Variants in RIN3 observed in about 807,000 individuals in gnomAD.
The protein encoded by RIN3 is RAB5 interacting protein 3.
RIN3 carries 54 observed loss-of-function variants against 76.3 expected under a neutral mutation model. The ratio of observed to expected loss-of-function variants is 0.71; its 90% CI spans 0.57 to 0.89. The LOEUF is 0.89. RIN3 is among the 40% of genes least tolerant of loss of function. RIN3 has a pLI of 0.00. For missense variants in RIN3, 1,256 were observed against 1,322.1 expected (o/e 0.95, Z 0.78); for synonymous variants, 576 against 564.0 (o/e 1.02, Z -0.30).
chr14:92,534,950 T>G (rs1454333988), intron 1 of RIN3, among the ~76,000 whole-genome samples: 1 of 152,218 alleles, frequency 6.6e-6, no homozygotes, highest in African/African-American at 2.4e-5. Context: ...AAGAAATCAC[T>G]TCATCTCAGG....
intron 1 of RIN3, among the ~76,000 whole-genome samples, chr14:92,546,244 T>G (rs1459945101): frequency 6.6e-6 from 1 of 152,190 alleles, no homozygotes; most frequent in Non-Finnish European, 1.5e-5. Context: ...TTTCTTTTAT[T>G]GATAAATAAT....
At chr14:92,532,204 C>G (rs1896899009) in intron 1 of RIN3, among the ~76,000 whole-genome samples, 1 of 152,162 alleles carries the variant, frequency 6.6e-6, no homozygotes, top group Non-Finnish European at 1.5e-5. Context: ...GCTGGGATTA[C>G]AGGCGTGACT....
chr14:92,535,456 TTGA>T (rs1896975108), intron 1 of RIN3, among the ~76,000 whole-genome samples: 2 of 151,764 alleles, frequency 1.3e-5, no homozygotes, highest in African/African-American at 4.8e-5. Context: ...TAATGATGTC[TTGA>T]TGAACAGGAA....
intron 3 of RIN3, among the ~76,000 whole-genome samples, chr14:92,602,298 G>A (rs1329680579): frequency 6.6e-6 from 1 of 152,252 alleles, no homozygotes; most frequent in South Asian, 2.1e-4. Flanking sequence ...GCCTCACCAA[G>A]GGATCACCTG....
chr14:92,558,622 G>A (rs1206246683), intron 2 of RIN3, among the ~76,000 whole-genome samples: 1 of 152,210 alleles, frequency 6.6e-6, no homozygotes, highest in South Asian at 2.1e-4. Context: ...AGCACCAGTA[G>A]GGGAACCAAG....
chr14:92,669,110 A>G (rs6575272), intron 7 of RIN3, among the ~76,000 whole-genome samples: 29,098 of 152,184 alleles, frequency 0.19, 3,154 homozygotes, highest in East Asian at 0.32. Context: ...GATAACTGAT[A>G]TTCATTCATG....
Position 92,641,309 on chromosome 14 carries a change from C to G in RIN3, c.512C>G (p.Thr171Ser). 1 of 1,613,896 alleles carries G rather than the reference C, an allele frequency of 6.2e-7. No individual in the cohort carries two copies. Among genetic ancestry groups the G allele is most frequent in the Non-Finnish European group, 8.5e-7 (1 of 1,179,792 alleles). The part of the protein sequence containing the change: ...LEASSFTDLE[T>S]IANLGLGFWD... ...GCCAGCAGCTTCACGGACCTTGAGA[C>G]CATCGCCAACCTGGGTCTGGGTGAG... Residue 171 changes from threonine (T) to serine (S), a missense_variant, in exon 5 of 10, where the codon ACC (threonine) becomes AGC (serine). Physicochemically the swap from Thr to Ser is moderately conservative, Grantham distance 58 (BLOSUM62 1). Coordinates refer to ENST00000216487, the MANE Select transcript of RIN3 (RefSeq NM_024832.5).
At chr14:92,571,188 A>T (rs1333459409) in intron 2 of RIN3, among the ~76,000 whole-genome samples, 1 of 152,208 alleles carries the variant, frequency 6.6e-6, no homozygotes, top group African/African-American at 2.4e-5. Flanking sequence ...TACTGTCCAT[A>T]AATCTTCCAC....
chr14:92,515,422 C>T, intron 1 of RIN3: 1 of 535,790 alleles, frequency 1.9e-6, no homozygotes, highest in African/African-American at 1.9e-5. Context: ...TGATCCACTT[C>T]CTCTTGTCTT....
intron 3 of RIN3, among the ~76,000 whole-genome samples, chr14:92,587,168 A>G (rs1021617751): frequency 1.3e-5 from 2 of 152,244 alleles, no homozygotes; most frequent in African/African-American, 2.4e-5. Context: ...AAGTAGCCCT[A>G]TGAGATTGGT....
intron 3 of RIN3, among the ~76,000 whole-genome samples, chr14:92,579,549 A>C (rs1898371120): frequency 6.6e-6 from 1 of 152,254 alleles, no homozygotes. Flanking sequence ...AGCCTGTTAG[A>C]AGAATCTATA....
At chr14:92,575,923 C>G (rs1898214133) in intron 2 of RIN3, among the ~76,000 whole-genome samples, 1 of 152,146 alleles carries the variant, frequency 6.6e-6, no homozygotes, top group South Asian at 2.1e-4. Context: ...GGGGGTCACT[C>G]TGGTTCAGAC....
chr14:92,529,615 G>T (rs1300755485), intron 1 of RIN3, among the ~76,000 whole-genome samples: 1 of 152,188 alleles, frequency 6.6e-6, no homozygotes, highest in East Asian at 1.9e-4. Context: ...TTGTCCGGCG[G>T]GCACATTCCC....
intron 9 of RIN3, chr14:92,686,480 G>C (rs184088942): frequency 6.6e-6 from 1 of 152,368 alleles, no homozygotes; most frequent in African/African-American, 2.4e-5. Flanking sequence ...CTCCCTGGCG[G>C]GTGTGAGCCA....
intron 5 of RIN3, among the ~76,000 whole-genome samples, chr14:92,647,872 C>T (rs918410873): frequency 2.6e-5 from 4 of 152,110 alleles, no homozygotes; most frequent in African/African-American, 4.8e-5. Context: ...GCTCAACAGG[C>T]CTTGGGGCCA....
At chr14:92,679,089 A>C (rs144648794) in intron 8 of RIN3, among the ~76,000 whole-genome samples, 6 of 152,362 alleles carry the variant, frequency 3.9e-5, no homozygotes, top group African/African-American at 1.4e-4. Flanking sequence ...GCCAGAGAGC[A>C]TGTCAATTCT....
In RIN3 at chr14:92,577,436, C is replaced by A; in HGVS notation, c.326C>A (p.Ser109Ter). 1.2e-6 allele frequency: 2 copies of A among 1,613,650 alleles called. No individual in the cohort carries two copies. The highest frequency in any genetic ancestry group is 2.2e-5 in the South Asian group (2 of 91,012). Residue 109 changes from serine to a stop codon, truncating the protein, a stop_gained, in exon 3 of 10, where the codon TCG becomes TAG. Coordinates refer to ENST00000216487, the MANE Select transcript of RIN3 (RefSeq NM_024832.5). LOFTEE classifies it high-confidence loss of function. ...CVHFPSLNES[S>*]AEVLEYTIKE... is the part of the protein sequence containing the mutation. Reference sequence around the variant, plus strand: ...CACTTTCCTTCTCTGAACGAAAGCTCGGCCGAGGTGCTCGAATACACCATT... The same window carrying A: ...CACTTTCCTTCTCTGAACGAAAGCTAGGCCGAGGTGCTCGAATACACCATT...
At chr14:92,540,943 A>AGTAG (rs1897118741) in intron 1 of RIN3, among the ~76,000 whole-genome samples, 1 of 152,348 alleles carries the variant, frequency 6.6e-6, no homozygotes, top group Admixed American at 6.5e-5. Context: ...AGACATCACT[A>AGTAG]GCAGATTCCT....
At chr14:92,521,171 C>T (rs1896587339) in intron 1 of RIN3, among the ~76,000 whole-genome samples, 2 of 151,818 alleles carry the variant, frequency 1.3e-5, no homozygotes, top group African/African-American at 4.9e-5. Context: ...TCAACCCACC[C>T]TTCATCCATC....
Sources: gnomAD v4.1 joint callset for allele counts (sites outside exome capture counted in the v4.1 genomes callset) on GRCh38, gnomAD v4.1.1 for gene constraint, MANE v1.5 for transcripts, NCBI Gene and HGNC (gene_info 2026-07-23, HGNC 2026-07-21) for gene names.